SCML4: variants seen among roughly 807,000 people sequenced by gnomAD.
SCML4 encodes the protein sex comb on midleg-like protein 4.
SCML4 carries 34 observed loss-of-function variants against 41.1 expected under a neutral mutation model. The observed-to-expected ratio is 0.83, with a 90% CI of 0.63 to 1.10. The LOEUF is 1.10. Among genes scored for constraint, SCML4 ranks in the 50% least tolerant of loss-of-function variants. The probability of loss-of-function intolerance (pLI) is 0.00; values close to 1 mark genes in which losing one functional copy is unlikely to be tolerated. For synonymous variants in SCML4, 214 were observed against 220.9 expected (o/e 0.97, Z 0.28); for missense variants, 522 against 534.1 (o/e 0.98, Z 0.22).
At chr6:107,831,717 G>A in the SCML4 span, among the ~76,000 whole-genome samples, 2 of 152,166 alleles carry the variant, frequency 1.3e-5, no homozygotes, top group Admixed American at 6.5e-5. Flanking sequence ...TCAGGAGTTC[G>A]AGACCATCCT....
In SCML4 at chr6:107,745,042, G is replaced by T. The variant is rs1777943960; in HGVS notation, c.589C>A (p.Leu197Met). The change falls in exon 5 of 8, where the codon CTG becomes ATG. Residue 197 changes from leucine to methionine, a missense_variant. Coordinates refer to ENST00000369020, the MANE Select transcript of SCML4 (RefSeq NM_198081.5). Reference sequence around the variant, plus strand: ...TGGTGGCTGAAGAGGTCATCGCACAGGAGGCTTCGGCACAGCTTGGCGAGG... The same window carrying T: ...TGGTGGCTGAAGAGGTCATCGCACATGAGGCTTCGGCACAGCTTGGCGAGG... ...RFLAKLCRSLLCDDLFSHQPF... is the reference protein window; with the variant it reads ...RFLAKLCRSLMCDDLFSHQPF... 1 of 1,614,074 alleles carries T rather than the reference G, an allele frequency of 6.2e-7. No individual in the cohort carries two copies. The highest frequency in any genetic ancestry group is 1.3e-5 in the African/African-American group (1 of 74,942).
upstream of SCML4, among the ~76,000 whole-genome samples, chr6:107,826,179 G>T (rs1414091876): frequency 6.6e-6 from 1 of 151,710 alleles, no homozygotes; most frequent in East Asian, 1.9e-4. Context: ...GGGAGGGAGA[G>T]GTTGCAGTGA....
In SCML4 at chr6:107,749,827, C is replaced by T. The variant is rs1408378494; in HGVS notation, c.157-14G>A. The T allele has an allele frequency of 6.2e-7, 1 of 1,613,592 alleles. No individual in the cohort carries two copies. ...CCGAGACTTGATCTGGAAGAGAGAG[C>T]CCATTTGGTCAATGAGAATCTGGCA... is the stretch of plus-strand genomic sequence containing the variant. On this transcript the variant is annotated splice_polypyrimidine_tract_variant and intron_variant, in intron 2 of 7. Coordinates refer to ENST00000369020, the MANE Select transcript of SCML4 (RefSeq NM_198081.5).
At position 107,720,842 on chromosome 6, in the gene SCML4, G is replaced by A. The variant is rs1281718497; in HGVS notation, c.834C>T (p.His278=). 9.3e-6 allele frequency: 15 copies of A among 1,614,024 alleles called. No homozygotes were observed. The highest frequency in any genetic ancestry group is 1.1e-5 in the Non-Finnish European group (13 of 1,179,992). Residue 278 remains histidine, a synonymous_variant, in exon 6 of 8, where the codon CAC becomes CAT. Coordinates refer to ENST00000369020, the MANE Select transcript of SCML4 (RefSeq NM_198081.5). Reference sequence around the variant, plus strand: ...CGGTGGCAGCAGGACCACCCCCAAGGTGGCTGTCTCCAGAGTTCTGCCTCT... The same window carrying A: ...CGGTGGCAGCAGGACCACCCCCAAGATGGCTGTCTCCAGAGTTCTGCCTCT... The part of the protein sequence containing the change: ...YCKRQNSGDS[H]LGGGPAATAG...
chr6:107,706,791 C>T lies in SCML4; in HGVS notation c.1119+1075G>A, dbSNP rs534943161. Among the ~76,000 whole-genome samples, 6 of 152,230 alleles carry T rather than the reference C, an allele frequency of 3.9e-5. No homozygotes were observed. The East Asian group carries it at 1.2e-3, about 29-fold the overall frequency. ...AGGGATGGCAGCCCGAGCAGCCGAA[C>T]AGGCCTCAGCTTGATGTTACAGGCT... On this transcript the variant is annotated intron_variant, in intron 7 of 7. Transcript: ENST00000369020.
rs114346019 is a variant in SCML4 at position 107,710,006 on chromosome 6, G to A, written c.974-1995C>T. Among the ~76,000 whole-genome samples, 973 of 151,920 alleles carry A rather than the reference G, an allele frequency of 6.4e-3. 10 individuals are homozygous for A. The highest frequency in any genetic ancestry group is 0.023 in the African/African-American group (939 of 41,412). The stretch of plus-strand genomic sequence containing the variant: ...TTTACAGGTATGAGCCACAGCACCC[G>A]GCTTCCTACCCCTTTATTCCTACAT... On this transcript the variant is annotated intron_variant, in intron 6 of 7. Coordinates refer to ENST00000369020, the MANE Select transcript of SCML4 (RefSeq NM_198081.5).
chr6:107,784,649 T>G (rs959010971), intron 1 of SCML4, among the ~76,000 whole-genome samples: 4 of 152,246 alleles, frequency 2.6e-5, no homozygotes, highest in African/African-American at 9.6e-5. Context: ...ATGTTGTATA[T>G]TTTTAAAAAA....
chr6:107,742,833 T>G (rs1724016450), intron 5 of SCML4, among the ~76,000 whole-genome samples: 1 of 151,334 alleles, frequency 6.6e-6, no homozygotes, highest in Admixed American at 6.6e-5. Context: ...AAAAAAACAC[T>G]GCGGGTACAA....
At chr6:107,826,241 T>C (rs2114328718), upstream of SCML4, among the ~76,000 whole-genome samples, 1 of 124,024 alleles carries the variant, frequency 8.1e-6, no homozygotes, top group Non-Finnish European at 1.7e-5. Flanking sequence ...TGAAATTCCA[T>C]CTCAAAAAAA....
chr6:107,768,310 A>G (rs568072213), intron 2 of SCML4, among the ~76,000 whole-genome samples: 19 of 152,264 alleles, frequency 1.2e-4, no homozygotes, highest in African/African-American at 4.6e-4. Flanking sequence ...CTTTAACATG[A>G]GAAAGAAATT....
rs746161888 is a variant in SCML4 at position 107,745,006 on chromosome 6, T to TG, written c.624dup (p.Arg209GlnfsTer7). The TG allele has an allele frequency of 4.3e-6, 7 of 1,613,752 alleles. No homozygotes were observed. Among genetic ancestry groups the TG allele is most frequent in the Non-Finnish European group, 5.9e-6 (7 of 1,179,908 alleles). ...ACTTTCTCAGAGGCACTGCAGCCCC[T>TG]GGGGAAGGGCTGGTGGCTGAAGAGG... On this transcript the variant is annotated frameshift_variant, in exon 5 of 8. Coordinates refer to ENST00000369020, the MANE Select transcript of SCML4 (RefSeq NM_198081.5). LOFTEE classifies it high-confidence loss of function.
intron 1 of SCML4, among the ~76,000 whole-genome samples, chr6:107,786,334 G>A (rs987898942): frequency 6.6e-6 from 1 of 152,190 alleles, no homozygotes; most frequent in Non-Finnish European, 1.5e-5. Context: ...TGCCTGAAAT[G>A]TGAGTGGTTT....
chr6:107,707,613 C>T (rs542698052), intron 7 of SCML4, among the ~76,000 whole-genome samples: 31 of 152,226 alleles, frequency 2.0e-4, no homozygotes, highest in East Asian at 1.2e-3. Flanking sequence ...GCACTCCTGA[C>T]GAAGGCCAAC....
chr6:107,774,233 T>A (rs1482589962), intron 1 of SCML4, among the ~76,000 whole-genome samples: 2 of 152,208 alleles, frequency 1.3e-5, no homozygotes, highest in African/African-American at 4.8e-5. Flanking sequence ...AAGAAGCATA[T>A]TTTTCATATA....
intron 1 of SCML4, among the ~76,000 whole-genome samples, chr6:107,808,206 G>A (rs1383786974): frequency 6.6e-6 from 1 of 152,126 alleles, no homozygotes; most frequent in African/African-American, 2.4e-5. Flanking sequence ...TCACAAGGAA[G>A]GAAAGATATG....
intron 1 of SCML4, among the ~76,000 whole-genome samples, chr6:107,813,425 A>AT (rs1562284767): frequency 8.3e-3 from 81 of 9,782 alleles, no homozygotes; most frequent in Non-Finnish European, 0.013. Flanking sequence ...TATATATATA[A>AT]AACTGTAAAA....
chr6:107,815,049 A>G (rs780110781), intron 1 of SCML4, among the ~76,000 whole-genome samples: 3 of 152,236 alleles, frequency 2.0e-5, no homozygotes, highest in Admixed American at 6.5e-5. Context: ...AGGGCTCTGC[A>G]TAGTGATCAT....
chr6:107,745,203 C>T (rs1777966755), intron 4 of SCML4, 60 bp from the exon 5 acceptor site: 9 of 1,277,098 alleles, frequency 7.0e-6, no homozygotes, highest in South Asian at 4.5e-5. Context: ...GCAAGTCAAT[C>T]GGCCGTGGTG....
chr6:107,752,169 T>C (rs1778749367), intron 2 of SCML4, among the ~76,000 whole-genome samples: 1 of 152,096 alleles, frequency 6.6e-6, no homozygotes, highest in South Asian at 2.1e-4. Flanking sequence ...CTTCAAGCAT[T>C]GACACCAGGA....
Sources: gnomAD v4.1 joint callset for allele counts (sites outside exome capture counted in the v4.1 genomes callset) on GRCh38, gnomAD v4.1.1 for gene constraint, MANE v1.5 for transcripts, NCBI Gene and HGNC (gene_info 2026-07-23, HGNC 2026-07-21) for gene names.